The following RTN4RL2 variants were observed in gnomAD, a reference collection of about 807,000 sequenced individuals.
RTN4RL2 encodes reticulon 4 receptor like 2.
In RTN4RL2, 9 loss-of-function variants were observed where a neutral mutation model predicts 27.8. The observed-to-expected ratio is 0.32, with a 90% CI of 0.20 to 0.57. The LOEUF is 0.57. Among genes scored for constraint, RTN4RL2 ranks in the 20% least tolerant of loss-of-function variants. The probability of loss-of-function intolerance (pLI) is 0.90; values close to 1 mark genes in which losing one functional copy is unlikely to be tolerated. For synonymous variants in RTN4RL2, 285 were observed against 297.9 expected (o/e 0.96, Z 0.45); for missense variants, 436 against 596.8 (o/e 0.73, Z 2.81).
In RTN4RL2 at chr11:57,476,781, A is replaced by G. The variant is rs1270961558; in HGVS notation, c.1133A>G (p.Asp378Gly). ...TACTGGGGGGGCTACGGGGGTGAGG[A>G]CCAGCGAGGGGAGCAGATGTGCCCC... ...DDYWGGYGGE[D>G]QRGEQMCPGA... is the part of the protein sequence containing the mutation. Residue 378 changes from aspartate to glycine, a missense_variant, in exon 3 of 3, where the codon GAC becomes GGC. Around this residue, in one of 3 missense-constraint regions of RTN4RL2, gnomAD observed 60 missense variants for 43.0 expected, o/e 1.40. Transcript: ENST00000335099. The surrounding 1 kb of genome is among the most constrained non-coding windows in gnomAD (Gnocchi z 8.2). 3 of 1,493,326 alleles carry G rather than the reference A, an allele frequency of 2.0e-6. No homozygotes were observed. Among genetic ancestry groups the G allele is most frequent in the Non-Finnish European group, 2.7e-6 (3 of 1,128,650 alleles). The allele number at this position is 1,493,326 out of a possible 1,614,324, so 92.5% of individuals were successfully genotyped here.
At position 57,476,732 on chromosome 11, in the gene RTN4RL2, G is replaced by A; in HGVS notation, c.1084G>A (p.Gly362Arg). Residue 362 changes from glycine to arginine, a missense_variant, in exon 3 of 3, where the codon GGG (glycine) becomes AGG (arginine). By Grantham distance (125) the Gly-to-Arg change is moderately radical. Transcript: ENST00000335099. This position sits in a 1 kb window ranked among gnomAD's most constrained non-coding sequence, Gnocchi z 8.2. ...CGAAGACTCGCGGGGGCGCCAGGGC[G>A]GGGACGCGCCTACTGAGGACGACTA... ...PAEDSRGRQG[G>R]DAPTEDDYWG... 2 of 1,437,748 alleles carry A rather than the reference G, an allele frequency of 1.4e-6. No homozygotes were observed. Among genetic ancestry groups the A allele is most frequent in the Non-Finnish European group, 1.8e-6 (2 of 1,103,198 alleles). The allele number at this position is 1,437,748 out of a possible 1,614,324, so 89.1% of individuals were successfully genotyped here.
At position 57,477,076 on chromosome 11, in the gene RTN4RL2, C is replaced by T; in HGVS notation, c.*165C>T. The T allele has an allele frequency of 1.5e-6, 1 of 652,988 alleles. No homozygotes were observed. The highest frequency in any genetic ancestry group is 2.4e-6 in the Non-Finnish European group (1 of 412,258). The allele number at this position is 652,988 out of a possible 1,614,324, so 40.4% of individuals were successfully genotyped here. Reference sequence around the variant, plus strand: ...AGCAGGCCGCCTCTCCTTGCCTGCCCCCTGGGCTGTCCTGACTTGTGGCAG... The same window carrying T: ...AGCAGGCCGCCTCTCCTTGCCTGCCTCCTGGGCTGTCCTGACTTGTGGCAG... On this transcript the variant is annotated 3_prime_UTR_variant, in exon 3 of 3. Coordinates refer to ENST00000335099, the MANE Select transcript of RTN4RL2 (RefSeq NM_178570.3).
intron 1 of RTN4RL2, among the ~76,000 whole-genome samples, chr11:57,465,468 C>G (rs1427295002): frequency 1.3e-5 from 2 of 152,312 alleles, no homozygotes; most frequent in East Asian, 1.9e-4. Flanking sequence ...AGTGCAGAAA[C>G]AAGTCTTCCT....
chr11:57,468,757 C>T (rs761896354), intron 2 of RTN4RL2: 13 of 1,533,790 alleles, frequency 8.5e-6, no homozygotes, highest in Non-Finnish European at 7.0e-6. Flanking sequence ...CCAAACCTGT[C>T]ATCTCAATGC....
chr11:57,468,380 T>C (rs963662874), intron 2 of RTN4RL2, among the ~76,000 whole-genome samples: 5 of 152,100 alleles, frequency 3.3e-5, no homozygotes, highest in Non-Finnish European at 5.9e-5. Context: ...TGTCTGTCTA[T>C]CCCTTTCCAT....
At chr11:57,468,897 G>A in intron 2 of RTN4RL2, 1 of 851,760 alleles carries the variant, frequency 1.2e-6, no homozygotes, top group Non-Finnish European at 1.9e-6. Context: ...TTGTTGTTAT[G>A]CTGACTGTTT....
chr11:57,476,399 C>T lies in RTN4RL2; in HGVS notation c.751C>T (p.Pro251Ser). 1 of 1,603,958 alleles carries T rather than the reference C, an allele frequency of 6.2e-7. No individual in the cohort carries two copies. Reference protein sequence around the residue: ...SLPGEALADLPSLEFLRLNAN... With the variant: ...SLPGEALADLSSLEFLRLNAN... ...GCCCGGCGAGGCGCTCGCCGACCTG[C>T]CCTCGCTCGAGTTCCTGCGGCTCAA... is the stretch of plus-strand genomic sequence containing the variant. Residue 251 changes from proline to serine, a missense_variant, in exon 3 of 3, where the codon CCC becomes TCC. Coordinates refer to ENST00000335099, the MANE Select transcript of RTN4RL2 (RefSeq NM_178570.3). The surrounding 1 kb of genome is among the most constrained non-coding windows in gnomAD (Gnocchi z 8.2).
Position 57,467,658 on chromosome 11 carries a change from G to A in RTN4RL2, c.81G>A (p.Ala27=), listed in dbSNP as rs550762937. Residue 27 remains alanine (A), a synonymous_variant, in exon 2 of 3, where the codon GCG becomes GCA. Transcript: ENST00000335099. The surrounding 1 kb of genome is among the most constrained non-coding windows in gnomAD (Gnocchi z 5.5). ...TGATGCTCCTGGCCCTGCCCCTGGC[G>A]GCCCCCAGCTGCCCCATGCTCTGCA... ...LLLMLLALPL[A]APSCPMLCTC... The A allele has an allele frequency of 2.2e-5, 35 of 1,610,458 alleles. No individual in the cohort carries two copies. Among genetic ancestry groups the A allele is most frequent in the East Asian group, 4.5e-5 (2 of 44,830 alleles).
intron 2 of RTN4RL2, among the ~76,000 whole-genome samples, chr11:57,475,524 CAAACAA>C (rs1943590524): frequency 6.8e-6 from 1 of 147,032 alleles, no homozygotes; most frequent in Non-Finnish European, 1.5e-5. Flanking sequence ...TAATGGCTAA[CAAACAA>C]AAACAAAAAC....
chr11:57,472,083 T>C (rs1943565504), intron 2 of RTN4RL2, among the ~76,000 whole-genome samples: 1 of 152,138 alleles, frequency 6.6e-6, no homozygotes, highest in South Asian at 2.1e-4. Flanking sequence ...GGTCTTGAAC[T>C]CCTGACCACA....
chr11:57,473,470 G>T (rs999708290), intron 2 of RTN4RL2, among the ~76,000 whole-genome samples: 8 of 151,938 alleles, frequency 5.3e-5, no homozygotes, highest in African/African-American at 1.9e-4. Context: ...ATTCCAAATG[G>T]ATGCAGAGAG....
In RTN4RL2 at chr11:57,467,742, G is replaced by A. The variant is rs146811425; in HGVS notation, c.165G>A (p.Pro55=). ...AGGCCAACAACTTCTCCTCTGTGCCGCTGTCCCTGCCACCCAGCACTCAGC... is the reference window on the plus strand; with the variant it reads ...AGGCCAACAACTTCTCCTCTGTGCCACTGTCCCTGCCACCCAGCACTCAGC... ...SCQANNFSSV[P]LSLPPSTQRL... The change falls in exon 2 of 3, where the codon CCG becomes CCA. Residue 55 remains proline (P), a synonymous_variant. Transcript: ENST00000335099. This position sits in a 1 kb window ranked among gnomAD's most constrained non-coding sequence, Gnocchi z 5.5. The A allele has an allele frequency of 4.3e-5, 69 of 1,612,118 alleles. No homozygotes were observed. In the African/African-American group the frequency reaches 5.1e-4, roughly 12 times the overall value.
chr11:57,461,850 G>T (rs1943487629), intron 1 of RTN4RL2, among the ~76,000 whole-genome samples: 1 of 152,048 alleles, frequency 6.6e-6, no homozygotes, highest in Non-Finnish European at 1.5e-5. Context: ...TGGGAGAGGG[G>T]CTGGAGAGGA....
Position 57,467,420 on chromosome 11 carries a change from C to T in RTN4RL2, c.32-189C>T, listed in dbSNP as rs1943534248. ...TAAAGACAGGGATCTCCCTATGTTG[C>T]CCAGGATAGTCTCAAACTCCTGGCC... On this transcript the variant is annotated intron_variant, in intron 1 of 2. Transcript: ENST00000335099. This position sits in a 1 kb window ranked among gnomAD's most constrained non-coding sequence, Gnocchi z 5.5. Among the ~76,000 whole-genome samples, 1 of 151,920 alleles carries T rather than the reference C, an allele frequency of 6.6e-6. No homozygotes were observed. Among genetic ancestry groups the T allele is most frequent in the South Asian group, 2.1e-4 (1 of 4,808 alleles).
intron 1 of RTN4RL2, among the ~76,000 whole-genome samples, chr11:57,466,716 G>GT (rs1182627614): frequency 1.3e-5 from 2 of 152,220 alleles, no homozygotes; most frequent in African/African-American, 4.8e-5. Flanking sequence ...AGACCCCAGA[G>GT]TGAGTCCATT....
intron 1 of RTN4RL2, among the ~76,000 whole-genome samples, chr11:57,465,544 G>A (rs922071780): frequency 6.6e-6 from 1 of 152,196 alleles, no homozygotes; most frequent in African/African-American, 2.4e-5. Flanking sequence ...TGTGTGCCCA[G>A]GGAATGACTG....
chr11:57,460,848 C>T lies in RTN4RL2; in HGVS notation c.-18C>T. The stretch of plus-strand genomic sequence containing the variant: ...GCGCCCTCCCCCCGCTGCCCCCTCC[C>T]CCGAGCATCGAGACAAGATGCTGCC... On this transcript the variant is annotated 5_prime_UTR_variant, in exon 1 of 3. Coordinates refer to ENST00000335099, the MANE Select transcript of RTN4RL2 (RefSeq NM_178570.3). 7.1e-7 allele frequency: 1 copy of T among 1,405,616 alleles called. No homozygotes were observed. Among genetic ancestry groups the T allele is most frequent in the Non-Finnish European group, 9.4e-7 (1 of 1,066,234 alleles). 87.1% of individuals were successfully genotyped at this position (1,405,616 alleles called of 1,614,324 possible). A position where few individuals can be genotyped will look rare whatever the true frequency, so the allele number is the denominator to read the frequency against.
Position 57,467,720 on chromosome 11 carries a change from C to A in RTN4RL2, c.143C>A (p.Ala48Asp). 6.2e-7 allele frequency: 1 copy of A among 1,613,150 alleles called. No homozygotes were observed. The highest frequency in any genetic ancestry group is 8.5e-7 in the Non-Finnish European group (1 of 1,180,004). Residue 48 changes from alanine (A) to aspartate (D), a missense_variant, in exon 2 of 3, where the codon GCC (alanine) becomes GAC (aspartate). Coordinates refer to ENST00000335099, the MANE Select transcript of RTN4RL2 (RefSeq NM_178570.3). The surrounding 1 kb of genome is among the most constrained non-coding windows in gnomAD (Gnocchi z 5.5). ...YSSPPTVSCQ[A>D]NNFSSVPLSL... ...TCCCCGCCCACCGTGAGCTGCCAGG[C>A]CAACAACTTCTCCTCTGTGCCGCTG...
chr11:57,466,647 T>C (rs1943527663), intron 1 of RTN4RL2, among the ~76,000 whole-genome samples: 1 of 152,142 alleles, frequency 6.6e-6, no homozygotes, highest in African/African-American at 2.4e-5. Context: ...GCTCTGACTC[T>C]GCAAGGGCGA....
Sources: allele counts gnomAD v4.1 joint callset (sites outside exome capture counted in the v4.1 genomes callset), GRCh38; gene constraint gnomAD v4.1.1; regional missense constraint gnomAD v4.1.1; non-coding constraint Gnocchi (gnomAD v3.1); transcripts MANE v1.5; gene names NCBI Gene and HGNC (gene_info 2026-07-23, HGNC 2026-07-21).